MAGI2: variants seen among roughly 807,000 people sequenced by gnomAD.
MAGI2 encodes the protein membrane-associated guanylate kinase, WW and PDZ domain-containing protein 2.
Under a neutral mutation model 133.3 loss-of-function variants are expected in MAGI2, and 35 were observed. That is an observed-to-expected ratio of 0.26 (90% CI 0.20 to 0.35). The LOEUF (loss-of-function observed/expected upper bound fraction) is 0.35, where lower values mean the gene tolerates loss of function less well. MAGI2 is among the 10% of genes least tolerant of loss of function. The pLI is 1.00. For missense variants in MAGI2, 1,636 were observed against 1,863.4 expected, an observed-to-expected ratio of 0.88 and a Z score of 2.25; for synonymous variants, 729 against 710.6, an observed-to-expected ratio of 1.03 and a Z score of -0.41.
intron 6 of MAGI2, among the ~76,000 whole-genome samples, chr7:78,441,006 G>A (rs939994772): frequency 3.3e-5 from 5 of 152,054 alleles, no homozygotes; most frequent in African/African-American, 1.2e-4. Flanking sequence ...TGTCCAGTAG[G>A]CAGCTGGATA....
At chr7:78,444,501 A>G (rs542387287) in intron 6 of MAGI2, among the ~76,000 whole-genome samples, 1 of 152,166 alleles carries the variant, frequency 6.6e-6, no homozygotes, top group Non-Finnish European at 1.5e-5. Context: ...AGGAAGAGAC[A>G]TGTGTTACTT....
At chr7:79,242,710 T>A (rs768661297) in intron 1 of MAGI2, among the ~76,000 whole-genome samples, 33 of 152,212 alleles carry the variant, frequency 2.2e-4, no homozygotes, top group Non-Finnish European at 4.6e-4. Flanking sequence ...TTTTTGGAGT[T>A]AACATGCCTG....
intron 2 of MAGI2, among the ~76,000 whole-genome samples, chr7:78,639,785 G>T (rs1476161416): frequency 6.6e-6 from 1 of 152,176 alleles, no homozygotes. Flanking sequence ...TCAGGCCAGT[G>T]TGACTGTGGG....
chr7:79,246,254 C>T (rs768327985), intron 1 of MAGI2, among the ~76,000 whole-genome samples: 13 of 152,050 alleles, frequency 8.5e-5, no homozygotes, highest in Non-Finnish European at 1.8e-4. Context: ...AACGAATATC[C>T]ACAAGCATCA....
intron 13 of MAGI2, among the ~76,000 whole-genome samples, chr7:78,179,838 A>T (rs1420027017): frequency 6.6e-6 from 1 of 152,216 alleles, no homozygotes. Flanking sequence ...TCTATGAGAC[A>T]CAACCGGCTT....
intron 1 of MAGI2, among the ~76,000 whole-genome samples, chr7:79,435,528 C>A (rs921515152): frequency 1.3e-5 from 2 of 151,980 alleles, no homozygotes; most frequent in South Asian, 4.1e-4. Context: ...GTTATAAATG[C>A]CATTCTTTTA....
chr7:78,953,990 A>T (rs1014249375), intron 2 of MAGI2, among the ~76,000 whole-genome samples: 3 of 152,288 alleles, frequency 2.0e-5, no homozygotes, highest in African/African-American at 7.2e-5. Flanking sequence ...AAATTTTCAA[A>T]TGGAACAATC....
intron 16 of MAGI2, among the ~76,000 whole-genome samples, chr7:78,138,405 T>A (rs1822384856): frequency 6.6e-6 from 1 of 152,184 alleles, no homozygotes; most frequent in African/African-American, 2.4e-5. Flanking sequence ...TCCTATTTAG[T>A]TAGGATGTCA....
At chr7:78,138,891 T>C (rs1277449730) in intron 16 of MAGI2, among the ~76,000 whole-genome samples, 4 of 152,168 alleles carry the variant, frequency 2.6e-5, no homozygotes, top group Admixed American at 2.6e-4. Flanking sequence ...TCTTTTTTGA[T>C]ATGTTGGAGG....
At chr7:78,569,839 C>A (rs928836659) in intron 3 of MAGI2, among the ~76,000 whole-genome samples, 1 of 152,112 alleles carries the variant, frequency 6.6e-6, no homozygotes, top group Non-Finnish European at 1.5e-5. Flanking sequence ...TTCCTGCCAC[C>A]ACTGATCACT....
At chr7:78,481,628 T>C (rs925609472) in intron 6 of MAGI2, among the ~76,000 whole-genome samples, 2 of 151,750 alleles carry the variant, frequency 1.3e-5, no homozygotes, top group Non-Finnish European at 2.9e-5. Context: ...CAACAGTTTA[T>C]GACAAAGGTG....
At chr7:78,104,077 A>C (rs1017578389) in intron 20 of MAGI2, among the ~76,000 whole-genome samples, 2 of 152,068 alleles carry the variant, frequency 1.3e-5, no homozygotes, top group African/African-American at 4.8e-5. Context: ...TACTCCTGGG[A>C]GGTGTAATTA....
intron 1 of MAGI2, among the ~76,000 whole-genome samples, chr7:79,243,070 G>C (rs1426153042): frequency 1.3e-5 from 2 of 152,010 alleles, no homozygotes; most frequent in Non-Finnish European, 2.9e-5. Flanking sequence ...ACAAAAATTA[G>C]CTGGGCATGG....
intron 2 of MAGI2, among the ~76,000 whole-genome samples, chr7:78,782,706 A>C (rs867932203): frequency 6.6e-6 from 1 of 152,248 alleles, no homozygotes; most frequent in African/African-American, 2.4e-5. Context: ...TGACTGTGTC[A>C]CATACAGACT....
At chr7:78,772,677 A>C (rs1825685997) in intron 2 of MAGI2, among the ~76,000 whole-genome samples, 1 of 152,208 alleles carries the variant, frequency 6.6e-6, no homozygotes, top group Non-Finnish European at 1.5e-5. Context: ...TGTATTTGCA[A>C]AGCTTTACCT....
At chr7:78,725,641 T>C (rs556491705) in intron 2 of MAGI2, among the ~76,000 whole-genome samples, 53 of 152,198 alleles carry the variant, frequency 3.5e-4, no homozygotes, top group Non-Finnish European at 5.6e-4. Context: ...TATTAAAAGA[T>C]AGAAAAAATT....
At chr7:79,322,673 C>G (rs1250180124) in intron 1 of MAGI2, among the ~76,000 whole-genome samples, 1 of 151,584 alleles carries the variant, frequency 6.6e-6, no homozygotes, top group African/African-American at 2.4e-5. Flanking sequence ...GTAGTCCCAG[C>G]TACTCAGCAG....
intron 1 of MAGI2, among the ~76,000 whole-genome samples, chr7:79,048,342 T>C (rs776913034): frequency 6.6e-6 from 1 of 152,152 alleles, no homozygotes; most frequent in Admixed American, 6.6e-5. Flanking sequence ...GAAATAATAT[T>C]ACACACACAC....
At chr7:79,380,239 A>G (rs1158946089) in intron 1 of MAGI2, among the ~76,000 whole-genome samples, 1 of 151,882 alleles carries the variant, frequency 6.6e-6, no homozygotes, top group Non-Finnish European at 1.5e-5. Flanking sequence ...AATTTTTGCA[A>G]TCTACTCATC....
Sources: gnomAD v4.1 joint callset for allele counts (sites outside exome capture counted in the v4.1 genomes callset) on GRCh38, gnomAD v4.1.1 for gene constraint, MANE v1.5 for transcripts, NCBI Gene and HGNC (gene_info 2026-07-23, HGNC 2026-07-21) for gene names.